Variants in ATM observed in about 807,000 individuals in gnomAD.
ATM encodes the protein ATM serine/threonine kinase, also known as serine-protein kinase ATM.
Under a neutral mutation model 387.0 loss-of-function variants are expected in ATM, and 308 were observed. That is an observed-to-expected ratio of 0.80 (90% CI 0.73 to 0.87). The LOEUF (loss-of-function observed/expected upper bound fraction) is 0.87. Ranked by LOEUF, ATM falls within the 40% of genes least tolerant of loss-of-function variation. ATM has a pLI of 0.00. For missense variants in ATM, 3,312 were observed against 3,560.9 expected (o/e 0.93, Z 1.78); for synonymous variants, 1,156 against 1,187.3 (o/e 0.97, Z 0.54).
At chr11:108,256,518 A>C (rs2080500042) in intron 14 of ATM, among the ~76,000 whole-genome samples, 178 bp downstream of exon 14, 1 of 152,044 alleles carries the variant, frequency 6.6e-6, no homozygotes, top group African/African-American at 2.4e-5. Flanking sequence ...TAATTGTTTA[A>C]TTTTTAATTA....
Position 108,357,082 on chromosome 11 carries a change from G to A in ATM, c.8850+2208G>A, listed in dbSNP as rs574240224. ...CCAGACAGTGGGCGCAGGTCAGTGGGTGCACGCACTGTGCGCGAACTGAAG... is the reference window on the plus strand; with the variant it reads ...CCAGACAGTGGGCGCAGGTCAGTGGATGCACGCACTGTGCGCGAACTGAAG... On this transcript the variant is annotated intron_variant, in intron 61 of 62. Coordinates refer to ENST00000675843, the MANE Select transcript of ATM (RefSeq NM_000051.4). 3.4e-4 allele frequency among the ~76,000 whole-genome samples: 52 copies of A among 152,346 alleles called. 2 individuals carry two copies. In the South Asian group the frequency reaches 0.011, roughly 31 times the overall value.
intron 13 of ATM, among the ~76,000 whole-genome samples, chr11:108,254,714 G>A (rs4987955): frequency 0.013 from 1,935 of 152,164 alleles, 37 homozygotes; most frequent in African/African-American, 0.041. Flanking sequence ...GTGCAGTGAC[G>A]TGATCTTGGC....
intron 35 of ATM, among the ~76,000 whole-genome samples, chr11:108,302,133 A>G (rs1307790165): frequency 2.0e-5 from 3 of 152,142 alleles, no homozygotes; most frequent in Non-Finnish European, 4.4e-5. Flanking sequence ...TGTGATCCAC[A>G]AGTGTTTATT....
rs2135405950 is a variant in ATM, at chr11:108,257,496, G to A, written c.2266G>A (p.Ala756Thr). 1 of 1,613,382 alleles carries A rather than the reference G, an allele frequency of 6.2e-7. No homozygotes were observed. The highest frequency in any genetic ancestry group is 8.5e-7 in the Non-Finnish European group (1 of 1,179,806). Residue 756 changes from alanine (A) to threonine (T), a missense_variant, in exon 15 of 63, where the codon GCA becomes ACA. By Grantham distance (58) the Ala-to-Thr change is moderately conservative. Around this residue, in one of 4 missense-constraint regions of ATM, gnomAD observed 1,791 missense variants for 1,804.5 expected, o/e 0.99. Coordinates refer to ENST00000675843, the MANE Select transcript of ATM (RefSeq NM_000051.4). ...FQKAKSLMQC[A>T]GESITLFKNK... Reference sequence around the variant, plus strand: ...TTCACAATAGTCTCTAATGCAATGTGCAGGAGAAAGTATCACTCTGTTTAA... The same window carrying A: ...TTCACAATAGTCTCTAATGCAATGTACAGGAGAAAGTATCACTCTGTTTAA...
In ATM at chr11:108,223,154, G is replaced by C. The variant is rs1310604038; in HGVS notation, c.-63G>C. The C allele has an allele frequency of 1.1e-5, 2 of 177,590 alleles. No individual in the cohort carries two copies. The highest frequency in any genetic ancestry group is 1.6e-4 in the East Asian group (1 of 6,242). 11.0% of individuals were successfully genotyped at this position (177,590 alleles called of 1,614,324 possible). ...GGATCTGCGCTGCAGCCACCGCCGC[G>C]GTTGATACTACTTTGACCTTCCGAG... On this transcript the variant is annotated 5_prime_UTR_variant, in exon 1 of 63. Transcript: ENST00000675843.
At chr11:108,341,487 C>T (rs1274737078) in intron 56 of ATM, among the ~76,000 whole-genome samples, 1 of 152,094 alleles carries the variant, frequency 6.6e-6, no homozygotes, top group Non-Finnish European at 1.5e-5. Context: ...ACTCTGTTCT[C>T]AGTGCCCTAG....
Position 108,332,044 on chromosome 11 carries a change from G to A in ATM, c.7788+7G>A, listed in dbSNP as rs749610251. Reference sequence around the variant, plus strand: ...AAGCTCTCAGCTTGATGAGGTATTTGGATTAAACATACGTACCTTTTAGAA... The same window carrying A: ...AAGCTCTCAGCTTGATGAGGTATTTAGATTAAACATACGTACCTTTTAGAA... On this transcript the variant is annotated splice_region_variant and intron_variant, in intron 52 of 62. Coordinates refer to ENST00000675843, the MANE Select transcript of ATM (RefSeq NM_000051.4). 3.7e-6 allele frequency: 6 copies of A among 1,613,278 alleles called. No homozygotes were observed. The East Asian group carries it at 1.1e-4, about 30-fold the overall frequency.
intron 35 of ATM, among the ~76,000 whole-genome samples, chr11:108,302,452 C>T (rs2083478867): frequency 6.6e-6 from 1 of 152,056 alleles, no homozygotes; most frequent in Non-Finnish European, 1.5e-5. Context: ...GTAATATAAA[C>T]TGTTAATGAA....
intron 3 of ATM, among the ~76,000 whole-genome samples, 199 bp from the exon 4 acceptor site, chr11:108,228,979 G>A (rs2078873275): frequency 6.6e-6 from 1 of 152,232 alleles, no homozygotes; most frequent in African/African-American, 2.4e-5. Context: ...GAGCTTTGCA[G>A]ACCAGATATT....
intron 34 of ATM, among the ~76,000 whole-genome samples, chr11:108,300,623 A>C (rs1003724011): frequency 6.6e-6 from 1 of 152,114 alleles, no homozygotes; most frequent in Admixed American, 6.5e-5. Flanking sequence ...TCTAACTGCC[A>C]TGTTTCCGTT....
At chr11:108,245,113 T>C (rs1322759965) in intron 7 of ATM, 87 bp downstream of exon 7, 1 of 1,058,980 alleles carries the variant, frequency 9.4e-7, no homozygotes, top group Non-Finnish European at 1.4e-6. Context: ...TTTAGGAGGA[T>C]ATGACTTTCC....
At chr11:108,322,609 A>G (rs2085317632) in intron 45 of ATM, among the ~76,000 whole-genome samples, 1 of 152,226 alleles carries the variant, frequency 6.6e-6, no homozygotes, top group Admixed American at 6.5e-5. Context: ...GAAATAGTAT[A>G]GTTACTCAGG....
intron 11 of ATM, 27 bp from the exon 12 acceptor site, chr11:108,252,790 A>C: frequency 1.3e-6 from 2 of 1,495,508 alleles, no homozygotes; most frequent in Non-Finnish European, 9.3e-7. Flanking sequence ...TGGTCTTCTA[A>C]GTGAAGCTTT....
intron 57 of ATM, 62 bp downstream of exon 57, chr11:108,343,433 A>G (rs2136959731): frequency 2.5e-6 from 4 of 1,588,384 alleles, no homozygotes; most frequent in Non-Finnish European, 3.5e-6. Context: ...TAAAGCTGAC[A>G]GCTGTCAGAT....
intron 8 of ATM, among the ~76,000 whole-genome samples, chr11:108,248,053 G>A (rs1428457314): frequency 6.6e-6 from 1 of 152,150 alleles, no homozygotes; most frequent in African/African-American, 2.4e-5. Context: ...CATACAATAT[G>A]TGAGTCTTTT....
intron 32 of ATM, chr11:108,295,325 G>A: frequency 2.6e-6 from 1 of 380,988 alleles, no homozygotes; most frequent in Non-Finnish European, 4.8e-6. Flanking sequence ...TTTTTTTTAA[G>A]AGACAGAGTT....
chr11:108,300,880 T>C (rs200118877), intron 34 of ATM, among the ~76,000 whole-genome samples: 7 of 39,038 alleles, frequency 1.8e-4, no homozygotes, highest in East Asian at 1.7e-3. Context: ...ATCTCTCTCT[T>C]TTTTTTTTTT....
chr11:108,351,913 T>C (rs2089251345), intron 59 of ATM, among the ~76,000 whole-genome samples: 1 of 152,202 alleles, frequency 6.6e-6, no homozygotes, highest in Admixed American at 6.5e-5. Context: ...TCAGTGGACA[T>C]ATCCGGGGAA....
Position 108,354,835 on chromosome 11 carries a change from G to C in ATM, c.8811G>C (p.Val2937=), listed in dbSNP as rs1591314147. The stretch of plus-strand genomic sequence containing the variant: ...GATGCTGTGAGAAAACCATGGAAGT[G>C]ATGAGAAACTCTCAGGAAACTCTGT... ...FRRCCEKTME[V]MRNSQETLLT... The change falls in exon 61 of 63, where the codon GTG becomes GTC. Residue 2937 remains valine (V), a synonymous_variant. Coordinates refer to ENST00000675843, the MANE Select transcript of ATM (RefSeq NM_000051.4). 6.2e-7 allele frequency: 1 copy of C among 1,613,918 alleles called. No individual in the cohort carries two copies. Among genetic ancestry groups the C allele is most frequent in the Non-Finnish European group, 8.5e-7 (1 of 1,179,824 alleles).
Sources: allele counts gnomAD v4.1 joint callset (sites outside exome capture counted in the v4.1 genomes callset), GRCh38; gene constraint gnomAD v4.1.1; regional missense constraint gnomAD v4.1.1; transcripts MANE v1.5; gene names NCBI Gene and HGNC (gene_info 2026-07-23, HGNC 2026-07-21).